Variants in LRRC28 observed in about 807,000 individuals in gnomAD.
The protein encoded by LRRC28 is leucine-rich repeat-containing protein 28.
In LRRC28, 39 loss-of-function variants were observed where a neutral mutation model predicts 45.7. The observed-to-expected ratio is 0.85, with a 90% CI of 0.66 to 1.12. The LOEUF is 1.12. LRRC28 is among the 50% of genes most tolerant of loss of function. The pLI is 0.00. For missense variants in LRRC28, 435 were observed against 438.5 expected (o/e 0.99, Z 0.07); for synonymous variants, 206 against 178.8 (o/e 1.15, Z -1.22).
At chr15:99,259,916 G>A (rs2152125397) in intron 2 of LRRC28, 1 of 704,918 alleles carries the variant, frequency 1.4e-6, no homozygotes, top group Non-Finnish European at 2.6e-6. Context: ...TGAGGAGACA[G>A]CAGAAGACAA....
chr15:99,257,695 T>G, intron 2 of LRRC28: 2 of 761,288 alleles, frequency 2.6e-6, no homozygotes, highest in South Asian at 2.7e-5. Context: ...GTCAGAGCTG[T>G]TGATGAAGTT....
At chr15:99,258,560 A>G in intron 2 of LRRC28, 1 of 736,884 alleles carries the variant, frequency 1.4e-6, no homozygotes, top group Non-Finnish European at 2.5e-6. Flanking sequence ...CAGTAGAGGA[A>G]GAAGAAGAAA....
chr15:99,317,444 G>A (rs1178694037), intron 5 of LRRC28: 2 of 152,098 alleles, frequency 1.3e-5, no homozygotes, highest in Admixed American at 6.6e-5. Flanking sequence ...ATAATGTATT[G>A]TTTTTCCTAA....
chr15:99,290,805 A>AT (rs2082102051), intron 5 of LRRC28, among the ~76,000 whole-genome samples: 1 of 151,910 alleles, frequency 6.6e-6, no homozygotes. Context: ...AAATCCAACA[A>AT]TAAAAAAAAA....
At chr15:99,293,343 C>T (rs1033058226) in intron 5 of LRRC28, among the ~76,000 whole-genome samples, 2 of 151,944 alleles carry the variant, frequency 1.3e-5, no homozygotes, top group Non-Finnish European at 2.9e-5. Context: ...CCTGGAATCC[C>T]AACACTTTGG....
chr15:99,366,415 G>A (rs1957341755), intron 9 of LRRC28, among the ~76,000 whole-genome samples: 2 of 152,118 alleles, frequency 1.3e-5, no homozygotes, highest in African/African-American at 4.8e-5. Flanking sequence ...TATATGCAAG[G>A]ACATTGTTCC....
intron 6 of LRRC28, among the ~76,000 whole-genome samples, chr15:99,350,142 C>CA (rs71149462): frequency 0.5 from 48,612 of 97,448 alleles, 9,950 homozygotes; most frequent in Middle Eastern, 0.58. Flanking sequence ...GACTCCGTCT[C>CA]AAAAAAAAAA....
intron 7 of LRRC28, among the ~76,000 whole-genome samples, chr15:99,355,149 A>C (rs28545252): frequency 0.022 from 3,346 of 152,358 alleles, 115 homozygotes; most frequent in African/African-American, 0.076. Context: ...AAATGCAAAC[A>C]AAGTTAGCTT....
chr15:99,275,716 C>T lies in LRRC28; in HGVS notation c.169-860C>T, dbSNP rs1028004902. Reference sequence around the variant, plus strand: ...TGAGTTTCTCCTTGCTGGGAGTGGCCGGCAACCTTCGGTGTTCCTCAGCTT... The same window carrying T: ...TGAGTTTCTCCTTGCTGGGAGTGGCTGGCAACCTTCGGTGTTCCTCAGCTT... On this transcript the variant is annotated intron_variant, in intron 2 of 9. Coordinates refer to ENST00000301981, the MANE Select transcript of LRRC28 (RefSeq NM_144598.5). 6.6e-5 allele frequency among the ~76,000 whole-genome samples: 10 copies of T among 152,242 alleles called. No individual in the cohort carries two copies. In the South Asian group the frequency reaches 1.5e-3, roughly 22 times the overall value.
In LRRC28 at chr15:99,349,234, G is replaced by A. The variant is rs148495494; in HGVS notation, c.593-3135G>A. Reference sequence around the variant, plus strand: ...ATATTTTCAGCTCAATTAACACCACGGTTATTCTCTTCTGGAATCTGCACA... The same window carrying A: ...ATATTTTCAGCTCAATTAACACCACAGTTATTCTCTTCTGGAATCTGCACA... On this transcript the variant is annotated intron_variant, in intron 6 of 9. Transcript: ENST00000301981. Among the ~76,000 whole-genome samples the A allele has an allele frequency of 5.6e-3, 846 of 151,826 alleles. 7 individuals are homozygous for A. The highest frequency in any genetic ancestry group is 0.019 in the African/African-American group (772 of 41,414).
intron 5 of LRRC28, among the ~76,000 whole-genome samples, chr15:99,303,562 G>T (rs556985025): frequency 6.6e-6 from 1 of 152,262 alleles, no homozygotes; most frequent in East Asian, 1.9e-4. Flanking sequence ...GCCTGGGCAC[G>T]GTGGCTCATG....
intron 6 of LRRC28, among the ~76,000 whole-genome samples, chr15:99,347,306 T>C (rs1222917844): frequency 6.6e-6 from 1 of 151,928 alleles, no homozygotes; most frequent in East Asian, 1.9e-4. Context: ...GCCTCCCGGG[T>C]TCACGCCCTT....
rs763607479 is a variant in LRRC28 at position 99,361,373 on chromosome 15, CT to C, written c.736del (p.Ser246ProfsTer15). 7 of 1,613,726 alleles carry C rather than the reference CT, an allele frequency of 4.3e-6. 1 individual carries two copies. The South Asian group carries it at 7.7e-5, about 18-fold the overall frequency. On this transcript the variant is annotated frameshift_variant, in exon 8 of 10. Transcript: ENST00000301981. LOFTEE classifies it high-confidence loss of function. ...CATTCAAGTTTCCGAGGTGAAGCTG[CT>C]TTCCTTTTCATCAGGGCAGCGAACC... ...APIQVSEVKL[L>X]SFSSGQRTVF...
At chr15:99,321,703 A>G (rs4965473) in intron 5 of LRRC28, among the ~76,000 whole-genome samples, 14,008 of 152,224 alleles carry the variant, frequency 0.092, 782 homozygotes, top group African/African-American at 0.15. Context: ...GCGGCCACTG[A>G]ACAAGTGAGG....
chr15:99,287,362 A>T, intron 4 of LRRC28, 68 bp downstream of exon 4: 1 of 1,218,232 alleles, frequency 8.2e-7, no homozygotes, highest in Middle Eastern at 2.5e-4. Context: ...AAATAGATCA[A>T]ATTTTATTTT....
chr15:99,308,577 T>G (rs759302781), intron 5 of LRRC28, among the ~76,000 whole-genome samples: 1 of 151,938 alleles, frequency 6.6e-6, no homozygotes, highest in Admixed American at 6.6e-5. Context: ...GAGGCTGAGG[T>G]GGGGGGATTG....
chr15:99,251,926 C>T (rs928892709), intron 1 of LRRC28: 2 of 152,206 alleles, frequency 1.3e-5, no homozygotes, highest in Non-Finnish European at 2.9e-5. Flanking sequence ...GCTTATAGTT[C>T]TCTAATCTCC....
At chr15:99,289,461 T>C (rs1453698083) in intron 5 of LRRC28, among the ~76,000 whole-genome samples, 2 of 152,148 alleles carry the variant, frequency 1.3e-5, no homozygotes. Context: ...CTACCTGTCA[T>C]AGAACTTCAG....
At chr15:99,280,210 A>G (rs1331608340) in intron 3 of LRRC28, among the ~76,000 whole-genome samples, 1 of 151,424 alleles carries the variant, frequency 6.6e-6, no homozygotes, top group Non-Finnish European at 1.5e-5. Context: ...TCTGTTCTAT[A>G]TGTTGTTTAC....
Sources: allele counts gnomAD v4.1 joint callset (sites outside exome capture counted in the v4.1 genomes callset), GRCh38; gene constraint gnomAD v4.1.1; transcripts MANE v1.5; gene names NCBI Gene and HGNC (gene_info 2026-07-23, HGNC 2026-07-21).